The following SLC25A20 variants were observed in gnomAD, a reference collection of about 807,000 sequenced individuals.
SLC25A20 encodes mitochondrial carnitine/acylcarnitine carrier protein.
In SLC25A20, 29 loss-of-function variants were observed where a neutral mutation model predicts 39.7. The ratio of observed to expected loss-of-function variants is 0.73; its 90% CI spans 0.54 to 1.00. The LOEUF is 1.00. Among genes scored for constraint, SLC25A20 ranks in the 50% least tolerant of loss-of-function variants. SLC25A20 has a pLI of 0.00. For missense variants in SLC25A20, 333 were observed against 379.9 expected (o/e 0.88, Z 1.03); for synonymous variants, 103 against 142.2 (o/e 0.72, Z 1.96).
At chr3:48,896,839 A>G (rs2083912863) in intron 1 of SLC25A20, among the ~76,000 whole-genome samples, 1 of 151,688 alleles carries the variant, frequency 6.6e-6, no homozygotes. Flanking sequence ...TTATTTTATA[A>G]TATGATCCCC....
At chr3:48,858,430 A>G in intron 8 of SLC25A20, 77 bp downstream of exon 8, 1 of 1,604,284 alleles carries the variant, frequency 6.2e-7, no homozygotes, top group Non-Finnish European at 8.5e-7. Flanking sequence ...GTCCTATCCC[A>G]GGAACAAGCA....
intron 4 of SLC25A20, among the ~76,000 whole-genome samples, chr3:48,864,069 G>A (rs2083647171): frequency 6.6e-6 from 1 of 151,294 alleles, no homozygotes; most frequent in South Asian, 2.1e-4. Flanking sequence ...ATAAAAGCCG[G>A]GCACGGTGGC....
chr3:48,870,856 T>C (rs1486131007), intron 4 of SLC25A20, among the ~76,000 whole-genome samples: 1 of 144,288 alleles, frequency 6.9e-6, no homozygotes, highest in Non-Finnish European at 1.5e-5. Context: ...TCTTACTCTA[T>C]AATCCAGGCC....
chr3:48,878,272 A>AT (rs1559668646), intron 4 of SLC25A20, among the ~76,000 whole-genome samples: 15 of 59,418 alleles, frequency 2.5e-4, no homozygotes, highest in South Asian at 1.3e-3. Context: ...CAAAAAAAAA[A>AT]AATATATATA....
Position 48,865,489 on chromosome 3 carries a change from C to T in SLC25A20, c.418-2830G>A, listed in dbSNP as rs188479826. Among the ~76,000 whole-genome samples the T allele has an allele frequency of 1.2e-3, 179 of 149,758 alleles. 1 individual carries two copies. Among genetic ancestry groups the T allele is most frequent in the East Asian group, 1.8e-3 (9 of 4,966 alleles). ...AAAAGTCATGAGACAAGGCTGGGTGCGGTGACTTACTCCTGTAATCTCAGC... is the reference window on the plus strand; with the variant it reads ...AAAAGTCATGAGACAAGGCTGGGTGTGGTGACTTACTCCTGTAATCTCAGC... On this transcript the variant is annotated intron_variant, in intron 4 of 8. Transcript: ENST00000319017.
intron 2 of SLC25A20, among the ~76,000 whole-genome samples, chr3:48,889,794 G>C (rs911567164): frequency 6.6e-6 from 1 of 152,176 alleles, no homozygotes; most frequent in Non-Finnish European, 1.5e-5. Flanking sequence ...TCAATCATTA[G>C]TATAAACATT....
chr3:48,862,662 G>T lies in SLC25A20; in HGVS notation c.418-3C>A, dbSNP rs200732067. 3 of 1,591,138 alleles carry T rather than the reference G, an allele frequency of 1.9e-6. No homozygotes were observed. The highest frequency in any genetic ancestry group is 1.1e-5 in the South Asian group (1 of 90,616). On this transcript the variant is annotated splice_region_variant and splice_polypyrimidine_tract_variant and intron_variant, in intron 4 of 8. Coordinates refer to ENST00000319017, the MANE Select transcript of SLC25A20 (RefSeq NM_000387.6). ...CTTTCTCCTGAAGAAGCCTGAATCT[G>T]GGAGGGAGGAGAGGATCATTAAGTC...
intron 1 of SLC25A20, among the ~76,000 whole-genome samples, chr3:48,896,791 T>A (rs995525334): frequency 1.3e-5 from 2 of 152,020 alleles, no homozygotes; most frequent in African/African-American, 4.8e-5. Flanking sequence ...GTGCTGGGAT[T>A]AACAGGCATG....
chr3:48,872,424 C>T (rs1195065183), intron 4 of SLC25A20, among the ~76,000 whole-genome samples: 1 of 151,876 alleles, frequency 6.6e-6, no homozygotes, highest in Non-Finnish European at 1.5e-5. Flanking sequence ...GCCACCATGC[C>T]CGGCCCCCAG....
intron 4 of SLC25A20, among the ~76,000 whole-genome samples, chr3:48,869,988 C>G (rs1293038218): frequency 6.6e-6 from 1 of 151,286 alleles, no homozygotes. Flanking sequence ...TGTGGTGATA[C>G]ATGTCTGTAG....
chr3:48,878,272 AAATAT>A lies in SLC25A20; in HGVS notation c.417+1081_417+1085del, dbSNP rs1356390647. 3.9e-4 allele frequency among the ~76,000 whole-genome samples: 23 copies of A among 59,424 alleles called. No individual in the cohort carries two copies. The South Asian group carries it at 6.4e-3, about 16-fold the overall frequency. 39.0% of individuals were successfully genotyped at this position (59,424 alleles called of 152,430 possible). A position where few individuals can be genotyped will look rare whatever the true frequency, so the allele number is the denominator to read the frequency against. On this transcript the variant is annotated intron_variant, in intron 4 of 8. Transcript: ENST00000319017. Reference sequence around the variant, plus strand: ...GAGACTCCATCTCCACAAAAAAAAAAAATATATATATATATATATATATATATGTA... The same window carrying A: ...GAGACTCCATCTCCACAAAAAAAAAAATATATATATATATATATATATGTA...
chr3:48,859,241 G>A (rs1559663235), intron 6 of SLC25A20, 40 bp from the exon 7 acceptor site: 1 of 1,559,720 alleles, frequency 6.4e-7, no homozygotes, highest in Non-Finnish European at 8.8e-7. Context: ...GACAAAGGCT[G>A]TGAGAGTGGC....
intron 4 of SLC25A20, among the ~76,000 whole-genome samples, chr3:48,874,911 T>C (rs1194166781): frequency 1.1e-4 from 16 of 148,408 alleles, no homozygotes; most frequent in Non-Finnish European, 9.0e-5. Context: ...CTACTAAAAA[T>C]ACAAAAATTA....
At chr3:48,888,611 A>AAATAAAT (rs973186757) in intron 2 of SLC25A20, among the ~76,000 whole-genome samples, 1 of 151,328 alleles carries the variant, frequency 6.6e-6, no homozygotes, top group Non-Finnish European at 1.5e-5. Context: ...ATAAATAAAT[A>AAATAAAT]AATAGTTTAA....
At chr3:48,864,347 CAAAAAAAAAAAAAA>C (rs55843120) in intron 4 of SLC25A20, among the ~76,000 whole-genome samples, 3 of 48,060 alleles carry the variant, frequency 6.2e-5, no homozygotes, top group African/African-American at 2.6e-4. Flanking sequence ...GACTCTGTCT[CAAAAAAAAAAAAAA>C]AAAAAAAAAA....
chr3:48,875,796 C>G (rs1253545865), intron 4 of SLC25A20, among the ~76,000 whole-genome samples: 1 of 152,084 alleles, frequency 6.6e-6, no homozygotes, highest in Non-Finnish European at 1.5e-5. Flanking sequence ...GCAGACAGAT[C>G]GCTTGAGCTC....
At chr3:48,875,447 T>C (rs2083748773) in intron 4 of SLC25A20, among the ~76,000 whole-genome samples, 1 of 152,086 alleles carries the variant, frequency 6.6e-6, no homozygotes, top group Admixed American at 6.6e-5. Flanking sequence ...TTTCGCTTTG[T>C]CACCCAGGCT....
At chr3:48,895,140 C>T (rs1340783779) in intron 1 of SLC25A20, among the ~76,000 whole-genome samples, 1 of 152,214 alleles carries the variant, frequency 6.6e-6, no homozygotes, top group Non-Finnish European at 1.5e-5. Context: ...TCCCAAGTAG[C>T]TGGGATTACA....
rs957369113 is a variant in SLC25A20 at position 48,857,641 on chromosome 3, C to T, written c.*69G>A. On this transcript the variant is annotated 3_prime_UTR_variant, in exon 9 of 9. Transcript: ENST00000319017. The stretch of plus-strand genomic sequence containing the variant: ...CCTTGCCCTCCAAGACTGCTTAGTT[C>T]TGCTTACTACTCCTTCTCCTCAACG... The T allele has an allele frequency of 4.8e-6, 7 of 1,465,510 alleles. No individual in the cohort carries two copies. The highest frequency in any genetic ancestry group is 5.7e-6 in the Non-Finnish European group (6 of 1,052,076). 90.8% of individuals were successfully genotyped at this position (1,465,510 alleles called of 1,614,324 possible). A position where few individuals can be genotyped will look rare whatever the true frequency, so the allele number is the denominator to read the frequency against.
Sources: gnomAD v4.1 joint callset for allele counts (sites outside exome capture counted in the v4.1 genomes callset) on GRCh38, gnomAD v4.1.1 for gene constraint, MANE v1.5 for transcripts, NCBI Gene and HGNC (gene_info 2026-07-23, HGNC 2026-07-21) for gene names.